The following LINGO2 variants were observed in gnomAD, a reference collection of about 807,000 sequenced individuals.
The protein encoded by LINGO2 is leucine-rich repeat and immunoglobulin-like domain-containing nogo receptor-interacting protein 2.
Under a neutral mutation model 30.6 loss-of-function variants are expected in LINGO2, and 14 were observed. The ratio of observed to expected loss-of-function variants is 0.46; its 90% CI spans 0.30 to 0.72. The LOEUF is 0.72. Ranked by LOEUF, LINGO2 falls within the 30% of genes least tolerant of loss-of-function variation. LINGO2 has a pLI of 0.07. For synonymous variants in LINGO2, 317 were observed against 288.5 expected (o/e 1.10, Z -1.00); for missense variants, 729 against 751.7 (o/e 0.97, Z 0.35).
the LINGO2 span, among the ~76,000 whole-genome samples, chr9:28,820,751 C>T: frequency 2.6e-5 from 4 of 152,134 alleles, no homozygotes; most frequent in Admixed American, 1.3e-4. Context: ...AGAAGTCTAC[C>T]CAGTTTTTAC....
intron 1 of LINGO2, among the ~76,000 whole-genome samples, chr9:28,642,552 T>C (rs1467598926): frequency 2.6e-5 from 4 of 152,188 alleles, no homozygotes; most frequent in African/African-American, 7.2e-5. Context: ...CAACTTTGAA[T>C]GTATGCTTAC....
chr9:28,182,072 G>A (rs1237406594), intron 4 of LINGO2, among the ~76,000 whole-genome samples: 1 of 151,932 alleles, frequency 6.6e-6, no homozygotes, highest in Non-Finnish European at 1.5e-5. Context: ...TATACTACAA[G>A]GCTACAGTAA....
At chr9:28,017,698 TAAAG>T (rs1822908528) in intron 4 of LINGO2, among the ~76,000 whole-genome samples, 1 of 152,050 alleles carries the variant, frequency 6.6e-6, no homozygotes, top group African/African-American at 2.4e-5. Context: ...AAACACTGCT[TAAAG>T]AAATCAGAGA....
At chr9:28,336,621 G>A (rs1450626261) in intron 3 of LINGO2, among the ~76,000 whole-genome samples, 1 of 151,846 alleles carries the variant, frequency 6.6e-6, no homozygotes, top group Non-Finnish European at 1.5e-5. Context: ...TCATTCTTTG[G>A]TCTACTGCTG....
At chr9:28,913,401 A>G in the LINGO2 span, among the ~76,000 whole-genome samples, 1 of 152,066 alleles carries the variant, frequency 6.6e-6, no homozygotes, top group Non-Finnish European at 1.5e-5. Context: ...TGAAATACTA[A>G]CCTTAATGCT....
the LINGO2 span, among the ~76,000 whole-genome samples, chr9:29,140,681 C>T: frequency 6.6e-6 from 1 of 151,462 alleles, no homozygotes; most frequent in Non-Finnish European, 1.5e-5. Flanking sequence ...TCCCAACAGA[C>T]CCTATCTAGA....
the LINGO2 span, among the ~76,000 whole-genome samples, chr9:28,987,679 T>C: frequency 6.6e-6 from 1 of 152,160 alleles, no homozygotes; most frequent in Admixed American, 6.6e-5. Context: ...GCATTTATTG[T>C]TATAAACTTA....
chr9:28,124,933 A>T (rs533868136), intron 4 of LINGO2, among the ~76,000 whole-genome samples: 2 of 152,238 alleles, frequency 1.3e-5, no homozygotes. Flanking sequence ...CATGTGCCAT[A>T]AAAGAGAAGG....
chr9:27,956,064 T>G (rs1819551038), intron 5 of LINGO2, among the ~76,000 whole-genome samples: 1 of 116,614 alleles, frequency 8.6e-6, no homozygotes, highest in African/African-American at 2.7e-5. Flanking sequence ...CTCAGCCTCC[T>G]GAGTAGCTGG....
chr9:28,318,405 A>G (rs1824920889), intron 3 of LINGO2, among the ~76,000 whole-genome samples: 1 of 152,184 alleles, frequency 6.6e-6, no homozygotes, highest in Non-Finnish European at 1.5e-5. Context: ...TGGGAGAAGA[A>G]AATTAATATT....
intron 1 of LINGO2, among the ~76,000 whole-genome samples, chr9:28,632,294 G>T (rs1235282364): frequency 6.6e-6 from 1 of 151,968 alleles, no homozygotes; most frequent in Admixed American, 6.6e-5. Flanking sequence ...GAAAAGCCTT[G>T]ACTTTATGAC....
the LINGO2 span, among the ~76,000 whole-genome samples, chr9:28,823,682 G>A: frequency 1.3e-5 from 2 of 152,150 alleles, no homozygotes; most frequent in Non-Finnish European, 2.9e-5. Flanking sequence ...CATAGCCCTG[G>A]ATTAGCTCCT....
chr9:28,975,404 A>C, the LINGO2 span, among the ~76,000 whole-genome samples: 5 of 152,218 alleles, frequency 3.3e-5, no homozygotes, highest in African/African-American at 1.2e-4. Flanking sequence ...GAGAACTTCC[A>C]GAATGACTGT....
intron 4 of LINGO2, among the ~76,000 whole-genome samples, chr9:28,231,823 G>A (rs1031700690): frequency 6.6e-6 from 1 of 151,886 alleles, no homozygotes; most frequent in Non-Finnish European, 1.5e-5. Flanking sequence ...AAGGCACTAA[G>A]CATGCACAAA....
chr9:29,177,876 T>C, the LINGO2 span, among the ~76,000 whole-genome samples: 1 of 151,836 alleles, frequency 6.6e-6, no homozygotes, highest in African/African-American at 2.4e-5. Flanking sequence ...TGACCCCTTC[T>C]CTCTTTCTCA....
At chr9:28,820,537 C>T in the LINGO2 span, among the ~76,000 whole-genome samples, 1 of 152,134 alleles carries the variant, frequency 6.6e-6, no homozygotes, top group African/African-American at 2.4e-5. Flanking sequence ...TTCAGTTCTA[C>T]CTGGAATGAA....
chr9:28,919,124 T>C, the LINGO2 span, among the ~76,000 whole-genome samples: 1 of 152,166 alleles, frequency 6.6e-6, no homozygotes, highest in Admixed American at 6.6e-5. Context: ...ATATTTGTCT[T>C]CCTACAACTC....
At chr9:28,311,494 C>T (rs1211687156) in intron 3 of LINGO2, among the ~76,000 whole-genome samples, 2 of 152,102 alleles carry the variant, frequency 1.3e-5, no homozygotes, top group Non-Finnish European at 1.5e-5. Flanking sequence ...AGATGGCCAC[C>T]CCCAAAGCAG....
intron 4 of LINGO2, among the ~76,000 whole-genome samples, chr9:28,096,444 C>G (rs750561175): frequency 1.3e-5 from 2 of 152,280 alleles, no homozygotes; most frequent in Middle Eastern, 3.4e-3. Context: ...TGGAAGATCT[C>G]ATATAAATGC....
Sources: allele counts gnomAD v4.1 joint callset (sites outside exome capture counted in the v4.1 genomes callset), GRCh38; gene constraint gnomAD v4.1.1; transcripts MANE v1.5; gene names NCBI Gene and HGNC (gene_info 2026-07-23, HGNC 2026-07-21).